ASCC3: variants seen among roughly 807,000 people sequenced by gnomAD.
ASCC3 encodes the protein activating signal cointegrator 1 complex subunit 3.
Under a neutral mutation model 256.3 loss-of-function variants are expected in ASCC3, and 158 were observed. The observed-to-expected ratio is 0.62, with a 90% CI of 0.54 to 0.70. The LOEUF (loss-of-function observed/expected upper bound fraction) is 0.70. Among genes scored for constraint, ASCC3 ranks in the 30% least tolerant of loss-of-function variants. The pLI is 0.00. For synonymous variants in ASCC3, 948 were observed against 883.4 expected (o/e 1.07, Z -1.30); for missense variants, 2,259 against 2,626.0 (o/e 0.86, Z 3.05).
chr6:100,770,858 T>C (rs1228422876), intron 8 of ASCC3, among the ~76,000 whole-genome samples: 123 of 138,866 alleles, frequency 8.9e-4, no homozygotes, highest in Admixed American at 1.9e-3. Flanking sequence ...TTTTTTTTTT[T>C]CCCAAACTCA....
intron 30 of ASCC3, among the ~76,000 whole-genome samples, chr6:100,608,437 T>G (rs187587389): frequency 1.1e-4 from 2 of 18,334 alleles, no homozygotes; most frequent in Admixed American, 2.8e-3. Context: ...ATATATATAC[T>G]TTATATATAT....
intron 36 of ASCC3, among the ~76,000 whole-genome samples, chr6:100,550,591 A>G (rs540500559): frequency 8.6e-5 from 13 of 152,014 alleles, no homozygotes; most frequent in Middle Eastern, 3.2e-3. Flanking sequence ...GAGAATCAGC[A>G]TATCTGAACA....
At position 100,508,500 on chromosome 6, in the gene ASCC3, G is replaced by A. The variant is rs1000396883; in HGVS notation, c.*886C>T. On this transcript the variant is annotated 3_prime_UTR_variant, in exon 42 of 42. Transcript: ENST00000369162. ...TACAGGTGAAAACCTATCCATAGGG[G>A]TGAAAAATTTTCTGTCTCAGATTTT... 1 of 152,094 alleles carries A rather than the reference G, an allele frequency of 6.6e-6. No individual in the cohort carries two copies. The highest frequency in any genetic ancestry group is 6.5e-5 in the Admixed American group (1 of 15,274). 9.4% of individuals were successfully genotyped at this position (152,094 alleles called of 1,614,324 possible). A position where few individuals can be genotyped will look rare whatever the true frequency, so the allele number is the denominator to read the frequency against.
At chr6:100,865,995 A>AGTCTC (rs1341394609) in intron 2 of ASCC3, among the ~76,000 whole-genome samples, 2 of 132,258 alleles carry the variant, frequency 1.5e-5, no homozygotes, top group Non-Finnish European at 3.2e-5. Flanking sequence ...TTTGAGATGG[A>AGTCTC]GTCTCGCTCT....
At chr6:100,861,121 T>C (rs1368280870) in intron 3 of ASCC3, among the ~76,000 whole-genome samples, 4 of 152,030 alleles carry the variant, frequency 2.6e-5, no homozygotes, top group South Asian at 2.1e-4. Flanking sequence ...AGCTGAAAAG[T>C]AGACTTACTA....
intron 4 of ASCC3, among the ~76,000 whole-genome samples, chr6:100,846,083 C>T (rs1250057178): frequency 6.6e-6 from 1 of 152,002 alleles, no homozygotes; most frequent in Admixed American, 6.6e-5. Flanking sequence ...AACTGATGGC[C>T]TTTTTAATTA....
chr6:100,535,213 A>G (rs146384179), intron 37 of ASCC3, among the ~76,000 whole-genome samples: 103 of 152,246 alleles, frequency 6.8e-4, no homozygotes, highest in Non-Finnish European at 1.3e-3. Context: ...GTCCCATGAG[A>G]GAGGTAGTAT....
In ASCC3 at chr6:100,627,453, G is replaced by A. The variant is rs1774298259; in HGVS notation, c.4642+137C>T. ...TAACATATATTTGTATTCCTTAACAGTTGAGACAAACAGTTTTAGATATAC... is the reference window on the plus strand; with the variant it reads ...TAACATATATTTGTATTCCTTAACAATTGAGACAAACAGTTTTAGATATAC... On this transcript the variant is annotated intron_variant, in intron 29 of 41. Coordinates refer to ENST00000369162, the MANE Select transcript of ASCC3 (RefSeq NM_006828.4). 3 of 1,154,832 alleles carry A rather than the reference G, an allele frequency of 2.6e-6. No individual in the cohort carries two copies. In the Admixed American group the frequency reaches 5.9e-5, roughly 23 times the overall value. 71.5% of individuals were successfully genotyped at this position (1,154,832 alleles called of 1,614,324 possible).
At chr6:100,627,567 TA>T (rs765975325) in intron 29 of ASCC3, 22 bp downstream of exon 29, 145 of 1,612,506 alleles carry the variant, frequency 9.0e-5, no homozygotes, top group Non-Finnish European at 1.2e-4. Context: ...GTTACTATTT[TA>T]TTCCAAGAAT....
At chr6:100,710,845 T>C (rs1778821818) in intron 13 of ASCC3, among the ~76,000 whole-genome samples, 1 of 152,148 alleles carries the variant, frequency 6.6e-6, no homozygotes, top group Non-Finnish European at 1.5e-5. Flanking sequence ...GCTAGAGTCA[T>C]ATAACAAATA....
intron 20 of ASCC3, among the ~76,000 whole-genome samples, chr6:100,648,877 G>C (rs932584003): frequency 6.6e-6 from 1 of 151,680 alleles, no homozygotes; most frequent in Non-Finnish European, 1.5e-5. Flanking sequence ...GATATAAATT[G>C]GTTCAAAATA....
chr6:100,747,279 A>G (rs1450547656), intron 10 of ASCC3, among the ~76,000 whole-genome samples: 1 of 152,128 alleles, frequency 6.6e-6, no homozygotes, highest in Non-Finnish European at 1.5e-5. Context: ...AGATATGGAG[A>G]AACTGGAACT....
chr6:100,543,863 T>G (rs1303935615), intron 36 of ASCC3, among the ~76,000 whole-genome samples: 1 of 152,096 alleles, frequency 6.6e-6, no homozygotes. Context: ...CTGACTTGAT[T>G]GACATTTATA....
chr6:100,771,822 C>A (rs1341606027), intron 8 of ASCC3, among the ~76,000 whole-genome samples: 1 of 148,784 alleles, frequency 6.7e-6, no homozygotes, highest in African/African-American at 2.5e-5. Context: ...ATACTGATAG[C>A]AGATAAACTA....
At chr6:100,537,768 C>T (rs1775234574) in intron 37 of ASCC3, among the ~76,000 whole-genome samples, 1 of 151,688 alleles carries the variant, frequency 6.6e-6, no homozygotes, top group Admixed American at 6.6e-5. Flanking sequence ...AAATTATCTA[C>T]AATGAAGCAT....
At chr6:100,877,819 T>C (rs1390623155) in intron 1 of ASCC3, among the ~76,000 whole-genome samples, 1 of 152,230 alleles carries the variant, frequency 6.6e-6, no homozygotes, top group Non-Finnish European at 1.5e-5. Context: ...TCTGTTTCAA[T>C]CACCACATGC....
At chr6:100,823,718 G>A (rs1771165674) in intron 4 of ASCC3, among the ~76,000 whole-genome samples, 2 of 152,098 alleles carry the variant, frequency 1.3e-5, no homozygotes, top group South Asian at 4.1e-4. Context: ...CTCAGTTGTT[G>A]AGATGCCAAA....
rs763344466 is a variant in ASCC3 at position 100,766,645 on chromosome 6, G to A, written c.1657C>T (p.Arg553Cys). The A allele has an allele frequency of 1.5e-5, 24 of 1,613,836 alleles. No individual in the cohort carries two copies. Among genetic ancestry groups the A allele is most frequent in the African/African-American group, 2.7e-5 (2 of 74,910 alleles). Residue 553 changes from arginine to cysteine, a missense_variant, in exon 10 of 42, where the codon CGT (arginine) becomes TGT (cysteine). This residue lies in a region of ASCC3 where 1,839 missense variants were observed against 2,206.7 expected (regional missense o/e 0.83). Coordinates refer to ENST00000369162, the MANE Select transcript of ASCC3 (RefSeq NM_006828.4). ...ACAATGATGCCTAGTGGCTCTAGAC[G>A]TCTGCTGAAGTAATCTGTCATTTCA... is the stretch of plus-strand genomic sequence containing the variant. ...AAEMTDYFSR[R>C]LEPLGIIVKE...
intron 30 of ASCC3, among the ~76,000 whole-genome samples, chr6:100,609,369 T>C (rs1773274122): frequency 6.6e-6 from 1 of 152,090 alleles, no homozygotes; most frequent in Admixed American, 6.5e-5. Context: ...TTACTTTAAA[T>C]GCTACATTTA....
Sources: allele counts gnomAD v4.1 joint callset (sites outside exome capture counted in the v4.1 genomes callset), GRCh38; gene constraint gnomAD v4.1.1; regional missense constraint gnomAD v4.1.1; transcripts MANE v1.5; gene names NCBI Gene and HGNC (gene_info 2026-07-23, HGNC 2026-07-21).